CSPG4: variants seen among roughly 807,000 people sequenced by gnomAD.
CSPG4 encodes chondroitin sulfate proteoglycan 4.
In CSPG4, 74 loss-of-function variants were observed where a neutral mutation model predicts 139.3. That is an observed-to-expected ratio of 0.53 (90% CI 0.44 to 0.64). CSPG4 has a LOEUF of 0.64. Ranked by LOEUF, CSPG4 falls within the 30% of genes least tolerant of loss-of-function variation. The pLI, the probability that CSPG4 is intolerant of heterozygous loss-of-function variation, is 0.00. For synonymous variants in CSPG4, 1,234 were observed against 1,394.2 expected (o/e 0.89, Z 2.56); for missense variants, 2,565 against 3,148.3 (o/e 0.81, Z 4.43).
At position 75,688,789 on chromosome 15, in the gene CSPG4, A is replaced by G. The variant is rs1894106090; in HGVS notation, c.2276T>C (p.Leu759Pro). 6.2e-7 allele frequency: 1 copy of G among 1,612,888 alleles called. No individual in the cohort carries two copies. ...CTGGCCCACCTGCACCTCCAGGGCC[A>G]GGTTCTCCACGGTGTCGTAAGCGTG... ...QHHAYDTVEN[L>P]ALEVQVGQEI... The change falls in exon 3 of 10, where the codon CTG becomes CCG. Residue 759 changes from leucine (L) to proline (P), a missense_variant. This residue lies in a region of CSPG4 where 2,316 missense variants were observed against 2,818.2 expected (regional missense o/e 0.82). Coordinates refer to ENST00000308508, the MANE Select transcript of CSPG4 (RefSeq NM_001897.5).
At chr15:75,697,475 C>G (rs576442184) in intron 1 of CSPG4, among the ~76,000 whole-genome samples, 1 of 152,202 alleles carries the variant, frequency 6.6e-6, no homozygotes, top group East Asian at 1.9e-4. Context: ...AGAGGAGAAG[C>G]GATTTGACGA....
chr15:75,712,208 A>C (rs11637644), intron 1 of CSPG4, among the ~76,000 whole-genome samples: 107,333 of 136,596 alleles, frequency 0.79, 42,806 homozygotes, highest in African/African-American at 0.91. Context: ...AGGGTGGCTC[A>C]TTCCTCGTTT....
chr15:75,689,241 C>A lies in CSPG4; in HGVS notation c.1824G>T (p.Gln608His), dbSNP rs1410506135. 1.2e-6 allele frequency: 2 copies of A among 1,610,366 alleles called. No individual in the cohort carries two copies. The highest frequency in any genetic ancestry group is 1.7e-6 in the Non-Finnish European group (2 of 1,179,586). The change falls in exon 3 of 10, where the codon CAG (glutamine) becomes CAT (histidine). Residue 608 changes from glutamine (Q) to histidine (H), a missense_variant. Around this residue, in one of 5 missense-constraint regions of CSPG4, gnomAD observed 2,316 missense variants for 2,818.2 expected, o/e 0.82. Transcript: ENST00000308508. ...AGAACTCGGTCGCCGGCTCCCCAGG[C>A]TGGTCTCGGCGCTCCACGGGGAGGC... ...SSGLPVERRD[Q>H]PGEPATEFSC...
In CSPG4 at chr15:75,689,489, C is replaced by T. The variant is rs1038394539; in HGVS notation, c.1576G>A (p.Ala526Thr). 1.9e-6 allele frequency: 3 copies of T among 1,612,824 alleles called. No individual in the cohort carries two copies. The South Asian group carries it at 3.3e-5, about 18-fold the overall frequency. ...DQLVLEVSVTARVPMPSCLRR... is the reference protein window; with the variant it reads ...DQLVLEVSVTTRVPMPSCLRR... Reference sequence around the variant, plus strand: ...AGGCATGAGGGCATGGGCACCCGAGCCGTCACCGACACCTCCAGCACCAGC... The same window carrying T: ...AGGCATGAGGGCATGGGCACCCGAGTCGTCACCGACACCTCCAGCACCAGC... The change falls in exon 3 of 10, where the codon GCT becomes ACT. Residue 526 changes from alanine (A) to threonine (T), a missense_variant. Ala to Thr is a moderately conservative substitution (Grantham distance 58). Coordinates refer to ENST00000308508, the MANE Select transcript of CSPG4 (RefSeq NM_001897.5).
At position 75,676,348 on chromosome 15, in the gene CSPG4, C is replaced by T; in HGVS notation, c.6171G>A (p.Gln2057=). 1 of 1,613,008 alleles carries T rather than the reference C, an allele frequency of 6.2e-7. No homozygotes were observed. Among genetic ancestry groups the T allele is most frequent in the African/African-American group, 1.3e-5 (1 of 75,068 alleles). Residue 2057 remains glutamine (Q), a synonymous_variant, in exon 10 of 10, where the codon CAG becomes CAA. Transcript: ENST00000308508. Reference sequence around the variant, plus strand: ...TGGGGTCCAGGCGCAGGGTGGCACCCTGGGGCCATGGCCCACCTGCCCACA... The same window carrying T: ...TGGGGTCCAGGCGCAGGGTGGCACCTTGGGGCCATGGCCCACCTGCCCACA... ...LHVWAGGPWP[Q]GATLRLDPTV...
chr15:75,685,266 CCTT>C lies in CSPG4; in HGVS notation c.4222_4224del (p.Lys1408del), dbSNP rs1385006406. On this transcript the variant is annotated inframe_deletion, in exon 4 of 10. Coordinates refer to ENST00000308508, the MANE Select transcript of CSPG4 (RefSeq NM_001897.5). The stretch of plus-strand genomic sequence containing the variant: ...AGGGTCCTGGCTTGAGGTCCGTCCT[CCTT>C]CTGCAGGGCTCCATGCTGGGGTGGC... 1.9e-6 allele frequency: 3 copies of C among 1,552,750 alleles called. No homozygotes were observed. The highest frequency in any genetic ancestry group is 2.6e-6 in the Non-Finnish European group (3 of 1,148,252).
rs1249443400 is a variant in CSPG4 at position 75,684,749 on chromosome 15, T to C, written c.4436A>G (p.Asn1479Ser). Residue 1479 changes from asparagine to serine, a missense_variant, in exon 5 of 10, where the codon AAC becomes AGC. By Grantham distance (46) the Asn-to-Ser change is conservative. Coordinates refer to ENST00000308508, the MANE Select transcript of CSPG4 (RefSeq NM_001897.5). ...GGATGCTCTCACCTGCAGGCCTGTG[T>C]TTGTAGTGAGGATGGGGGGTTGGTC... ...VNDQPPILTTNTGLQMWEGAT... is the reference protein window; with the variant it reads ...VNDQPPILTTSTGLQMWEGAT... 1 of 1,613,214 alleles carries C rather than the reference T, an allele frequency of 6.2e-7. No homozygotes were observed. Among genetic ancestry groups the C allele is most frequent in the Admixed American group, 1.7e-5 (1 of 59,974 alleles).
In CSPG4 at chr15:75,682,749, CA is replaced by C; in HGVS notation, c.4649-9del. On this transcript the variant is annotated splice_polypyrimidine_tract_variant and intron_variant, in intron 6 of 9. Transcript: ENST00000308508. ...AGCCTCCATCCAGGGTTCCTGGGGA[CA>C]GGGGCATTGGGTCCAGCTGGCCCGA... 2 of 1,612,422 alleles carry C rather than the reference CA, an allele frequency of 1.2e-6. No individual in the cohort carries two copies. Among genetic ancestry groups the C allele is most frequent in the African/African-American group, 2.7e-5 (2 of 75,032 alleles).
At chr15:75,707,869 TG>T (rs1208887186) in intron 1 of CSPG4, among the ~76,000 whole-genome samples, 3 of 152,022 alleles carry the variant, frequency 2.0e-5, no homozygotes, top group African/African-American at 4.8e-5. Context: ...AGCCCTACAA[TG>T]GGGGAGACCC....
chr15:75,674,998 G>A lies in CSPG4; in HGVS notation c.*552C>T. The A allele has an allele frequency of 5.1e-6, 2 of 394,644 alleles. No homozygotes were observed. The highest frequency in any genetic ancestry group is 1.4e-4 in the South Asian group (1 of 6,980). 24.4% of individuals were successfully genotyped at this position (394,644 alleles called of 1,614,324 possible). ...CCTATTGGCTTATGCCTTCTAGACT[G>A]GAGGCGCTCTCTCCTCTTGCCCTCT... is the stretch of plus-strand genomic sequence containing the variant. On this transcript the variant is annotated 3_prime_UTR_variant, in exon 10 of 10. Coordinates refer to ENST00000308508, the MANE Select transcript of CSPG4 (RefSeq NM_001897.5).
chr15:75,684,772 G>A lies in CSPG4; in HGVS notation c.4413C>T (p.Asp1471=). 1.2e-6 allele frequency: 2 copies of A among 1,613,788 alleles called. No homozygotes were observed. ...TGTTTGTAGTGAGGATGGGGGGTTG[G>A]TCATTGACAGGCAGGACAGTGACAG... ...AFTVTVLPVN[D]QPPILTTNTG... Residue 1471 remains aspartate (D), a synonymous_variant, in exon 5 of 10, where the codon GAC becomes GAT. Coordinates refer to ENST00000308508, the MANE Select transcript of CSPG4 (RefSeq NM_001897.5).
chr15:75,682,764 C>T, intron 6 of CSPG4, 23 bp from the exon 7 acceptor site: 2 of 1,610,460 alleles, frequency 1.2e-6, no homozygotes, highest in East Asian at 4.5e-5. Flanking sequence ...GCATTGGGTC[C>T]AGCTGGCCCG....
chr15:75,705,864 T>C (rs969298440), intron 1 of CSPG4, among the ~76,000 whole-genome samples: 22 of 152,138 alleles, frequency 1.4e-4, no homozygotes, highest in African/African-American at 5.3e-4. Flanking sequence ...TATGTGTCTG[T>C]GTGCATATGT....
chr15:75,704,992 C>T (rs1307408796), intron 1 of CSPG4, among the ~76,000 whole-genome samples: 19 of 152,202 alleles, frequency 1.2e-4, no homozygotes, highest in Admixed American at 1.2e-3. Flanking sequence ...CTTCTAGGGT[C>T]CCCGTCCCAT....
chr15:75,708,584 T>G (rs35839559), intron 1 of CSPG4, among the ~76,000 whole-genome samples: 2 of 152,088 alleles, frequency 1.3e-5, no homozygotes, highest in African/African-American at 2.4e-5. Flanking sequence ...TGCTGGGGCC[T>G]GAGCCCACTG....
chr15:75,682,767 C>A (rs1269926305), intron 6 of CSPG4, 26 bp from the exon 7 acceptor site: 1 of 1,609,890 alleles, frequency 6.2e-7, no homozygotes, highest in Non-Finnish European at 8.5e-7. Context: ...TTGGGTCCAG[C>A]TGGCCCGAGC....
Position 75,687,865 on chromosome 15 carries a change from C to A in CSPG4, c.3200G>T (p.Ser1067Ile). 6.2e-7 allele frequency: 1 copy of A among 1,612,964 alleles called. No individual in the cohort carries two copies. ...VLTRKDLLFG[S>I]IVAVDEPTRP... ...CGTGGGCTCATCTACGGCCACGATA[C>A]TGCCAAAGAGGAGGTCCTTGCGGGT... Residue 1067 changes from serine (S) to isoleucine (I), a missense_variant, in exon 3 of 10, where the codon AGT becomes ATT. By Grantham distance (142) the Ser-to-Ile change is moderately radical. Coordinates refer to ENST00000308508, the MANE Select transcript of CSPG4 (RefSeq NM_001897.5). This position sits in a 1 kb window ranked among gnomAD's most constrained non-coding sequence, Gnocchi z 5.4.
At chr15:75,692,143 G>C (rs985840248) in intron 2 of CSPG4, among the ~76,000 whole-genome samples, 2 of 152,004 alleles carry the variant, frequency 1.3e-5, no homozygotes, top group Non-Finnish European at 2.9e-5. Flanking sequence ...CACCATGCCC[G>C]GCTAATTTTT....
At chr15:75,697,475 C>T (rs576442184) in intron 1 of CSPG4, among the ~76,000 whole-genome samples, 4 of 152,320 alleles carry the variant, frequency 2.6e-5, no homozygotes, top group South Asian at 4.1e-4. Flanking sequence ...AGAGGAGAAG[C>T]GATTTGACGA....
Sources: gnomAD v4.1 joint callset for allele counts (sites outside exome capture counted in the v4.1 genomes callset) on GRCh38, gnomAD v4.1.1 for gene constraint, gnomAD v4.1.1 regional missense constraint, Gnocchi (gnomAD v3.1) non-coding constraint, MANE v1.5 for transcripts, NCBI Gene and HGNC (gene_info 2026-07-23, HGNC 2026-07-21) for gene names.